The following NEDD4L variants were observed in gnomAD, a reference collection of about 807,000 sequenced individuals.
NEDD4L encodes NEDD4 like E3 ubiquitin protein ligase.
NEDD4L carries 54 observed loss-of-function variants against 148.9 expected under a neutral mutation model. The observed-to-expected ratio is 0.36, with a 90% CI of 0.29 to 0.45. NEDD4L has a LOEUF of 0.45. Among genes scored for constraint, NEDD4L ranks in the 20% least tolerant of loss-of-function variants. The pLI is 1.00. For synonymous variants in NEDD4L, 433 were observed against 440.7 expected, an observed-to-expected ratio of 0.98 and a Z score of 0.22; for missense variants, 856 against 1,233.8, an observed-to-expected ratio of 0.69 and a Z score of 4.59.
intron 2 of NEDD4L, among the ~76,000 whole-genome samples, chr18:58,176,109 T>G (rs994591763): frequency 6.6e-6 from 1 of 150,678 alleles, no homozygotes; most frequent in African/African-American, 2.5e-5. Context: ...TATGATCAGT[T>G]TACAAACATT....
chr18:58,348,326 C>CTTTTT lies in NEDD4L; in HGVS notation c.1576-1192_1576-1188dup, dbSNP rs771263533. Among the ~76,000 whole-genome samples the CTTTTT allele has an allele frequency of 4.0e-3, 354 of 88,602 alleles. 31 individuals are homozygous for CTTTTT. The highest frequency in any genetic ancestry group is 0.015 in the African/African-American group (277 of 18,492). 58.1% of individuals were successfully genotyped at this position (88,602 alleles called of 152,430 possible). On this transcript the variant is annotated intron_variant, in intron 16 of 30. Coordinates refer to ENST00000400345, the MANE Select transcript of NEDD4L (RefSeq NM_001144967.3). ...CACTGCATTTCTTTTTCTTTTTTTT[C>CTTTTT]TTTTTTTTTTTTTTTTTTTTTTTGA... is the stretch of plus-strand genomic sequence containing the variant.
At chr18:58,327,757 C>T (rs12150702) in intron 9 of NEDD4L, among the ~76,000 whole-genome samples, 14 of 152,100 alleles carry the variant, frequency 9.2e-5, no homozygotes, top group African/African-American at 3.1e-4. Flanking sequence ...TCTGAAATGA[C>T]GATTTCAACT....
intron 1 of NEDD4L, among the ~76,000 whole-genome samples, chr18:58,142,300 G>A (rs1466085521): frequency 2.7e-5 from 4 of 150,560 alleles, no homozygotes; most frequent in Admixed American, 1.3e-4. Context: ...CACCTGCCTC[G>A]ACCTCCCAAA....
intron 2 of NEDD4L, among the ~76,000 whole-genome samples, chr18:58,176,152 G>C (rs1484696044): frequency 6.6e-6 from 1 of 151,976 alleles, no homozygotes; most frequent in Non-Finnish European, 1.5e-5. Flanking sequence ...TCCCACTCCA[G>C]TTTTGGTAAA....
chr18:58,119,255 G>T (rs950439570), intron 1 of NEDD4L, among the ~76,000 whole-genome samples: 3 of 152,112 alleles, frequency 2.0e-5, no homozygotes, highest in African/African-American at 7.2e-5. Context: ...GCCTGGGAGG[G>T]CTTTGCCAAA....
At chr18:58,316,998 T>C (rs2058346025) in intron 6 of NEDD4L, among the ~76,000 whole-genome samples, 1 of 133,166 alleles carries the variant, frequency 7.5e-6, no homozygotes, top group Non-Finnish European at 1.6e-5. Context: ...ATAAGCTTCC[T>C]GCTGTGTGGA....
At chr18:58,395,492 C>T (rs2050372116) in intron 30 of NEDD4L, among the ~76,000 whole-genome samples, 1 of 152,016 alleles carries the variant, frequency 6.6e-6, no homozygotes, top group African/African-American at 2.4e-5. Flanking sequence ...GCAGCCCCCG[C>T]CCCCACCTGA....
chr18:58,083,556 C>T (rs1342966867), intron 1 of NEDD4L, among the ~76,000 whole-genome samples: 3 of 151,890 alleles, frequency 2.0e-5, no homozygotes, highest in Non-Finnish European at 4.4e-5. Flanking sequence ...GGCGTGGTGG[C>T]GGGTGCCTGT....
intron 2 of NEDD4L, among the ~76,000 whole-genome samples, chr18:58,233,941 C>A (rs1369911648): frequency 1.8e-5 from 2 of 108,942 alleles, no homozygotes; most frequent in Non-Finnish European, 3.7e-5. Context: ...CATCGTCTTT[C>A]CTCTGTGCCT....
At chr18:58,283,556 T>A (rs1323612377) in intron 5 of NEDD4L, among the ~76,000 whole-genome samples, 2 of 152,202 alleles carry the variant, frequency 1.3e-5, no homozygotes, top group Non-Finnish European at 2.9e-5. Flanking sequence ...ACTACAATAC[T>A]ATCCCTTAGT....
Position 58,324,991 on chromosome 18 carries a change from C to T in NEDD4L, c.514-5C>T, listed in dbSNP as rs528468017. On this transcript the variant is annotated splice_region_variant and splice_polypyrimidine_tract_variant and intron_variant, in intron 8 of 30. Transcript: ENST00000400345. ...CATAATCGTCCCTTTAACTTTATTCCGCAGCATGGATGGGAAGTTGTTGAC... is the reference window on the plus strand; with the variant it reads ...CATAATCGTCCCTTTAACTTTATTCTGCAGCATGGATGGGAAGTTGTTGAC... 3.2e-5 allele frequency: 52 copies of T among 1,611,886 alleles called. No individual in the cohort carries two copies. Among genetic ancestry groups the T allele is most frequent in the African/African-American group, 9.3e-5 (7 of 75,034 alleles).
intron 1 of NEDD4L, among the ~76,000 whole-genome samples, chr18:58,110,236 A>G (rs1367413779): frequency 6.6e-6 from 1 of 152,200 alleles, no homozygotes; most frequent in Non-Finnish European, 1.5e-5. Flanking sequence ...TTCTTCCCCA[A>G]AGGTAGCTGG....
chr18:58,359,282 A>G (rs1002408023), intron 19 of NEDD4L, among the ~76,000 whole-genome samples: 2 of 151,950 alleles, frequency 1.3e-5, no homozygotes, highest in African/African-American at 4.8e-5. Context: ...TGTTCAATTG[A>G]TAGAGTACTC....
intron 2 of NEDD4L, among the ~76,000 whole-genome samples, chr18:58,178,387 G>T (rs1218655233): frequency 6.6e-6 from 1 of 152,088 alleles, no homozygotes; most frequent in Non-Finnish European, 1.5e-5. Context: ...AAATTTTAAG[G>T]TCTAAAAATG....
intron 18 of NEDD4L, among the ~76,000 whole-genome samples, chr18:58,353,516 C>G (rs2044189769): frequency 6.6e-6 from 1 of 152,072 alleles, no homozygotes. Flanking sequence ...TGCTACGTTT[C>G]TACCATCGCT....
At chr18:58,212,548 C>T (rs2042698958) in intron 2 of NEDD4L, among the ~76,000 whole-genome samples, 1 of 152,176 alleles carries the variant, frequency 6.6e-6, no homozygotes, top group South Asian at 2.1e-4. Flanking sequence ...TTACCTCCCA[C>T]CGGGTCCCTC....
At chr18:58,288,701 T>A (rs780969203) in intron 5 of NEDD4L, among the ~76,000 whole-genome samples, 3 of 151,722 alleles carry the variant, frequency 2.0e-5, no homozygotes, top group African/African-American at 4.8e-5. Flanking sequence ...GTCTGTTGCC[T>A]TTTTTTTTCT....
intron 2 of NEDD4L, among the ~76,000 whole-genome samples, chr18:58,169,589 C>G (rs745804731): frequency 1.3e-5 from 2 of 152,116 alleles, no homozygotes. Context: ...TAAAAAGCAC[C>G]TTTTAAAAAA....
At chr18:58,107,735 A>T (rs1300848318) in intron 1 of NEDD4L, among the ~76,000 whole-genome samples, 1 of 151,702 alleles carries the variant, frequency 6.6e-6, no homozygotes, top group Non-Finnish European at 1.5e-5. Context: ...AAAAAAAAAA[A>T]GGCTTTCAAC....
Sources: allele counts gnomAD v4.1 joint callset (sites outside exome capture counted in the v4.1 genomes callset), GRCh38; gene constraint gnomAD v4.1.1; transcripts MANE v1.5; gene names NCBI Gene and HGNC (gene_info 2026-07-23, HGNC 2026-07-21).